CANX: variants seen among roughly 807,000 people sequenced by gnomAD.
The protein encoded by CANX is calnexin.
A neutral mutation model predicts 75.7 loss-of-function variants in CANX; 14 were observed. That is an observed-to-expected ratio of 0.19 (90% confidence interval 0.12 to 0.29). The LOEUF is 0.29. Ranked by LOEUF, CANX falls within the 10% of genes least tolerant of loss-of-function variation. The pLI is 1.00. For missense variants in CANX, 567 were observed against 713.2 expected (o/e 0.79, Z 2.34); for synonymous variants, 227 against 236.9 (o/e 0.96, Z 0.38).
intron 1 of CANX, among the ~76,000 whole-genome samples, chr5:179,687,405 T>A (rs980887837): frequency 5.3e-5 from 8 of 152,172 alleles, no homozygotes; most frequent in African/African-American, 1.9e-4. Flanking sequence ...GCCCGGCCTG[T>A]GCTCTGTGTT....
chr5:179,707,238 A>G, intron 4 of CANX, 48 bp downstream of exon 4: 5 of 1,000,696 alleles, frequency 5.0e-6, no homozygotes, highest in Non-Finnish European at 8.1e-6. Context: ...GAGGTTTGAC[A>G]TGTTGTCTCC....
At chr5:179,703,221 G>A (rs2113114784) in intron 1 of CANX, among the ~76,000 whole-genome samples, 1 of 150,872 alleles carries the variant, frequency 6.6e-6, no homozygotes, top group South Asian at 2.1e-4. Context: ...TGGAGTGGTG[G>A]AGTCTTTTTT....
At chr5:179,691,244 C>T (rs571849964) in intron 1 of CANX, among the ~76,000 whole-genome samples, 1 of 151,910 alleles carries the variant, frequency 6.6e-6, no homozygotes, top group Non-Finnish European at 1.5e-5. Flanking sequence ...AGGCTGGTCT[C>T]GAACTCCTGG....
chr5:179,725,284 G>A (rs1319695552), intron 13 of CANX, among the ~76,000 whole-genome samples: 1 of 151,888 alleles, frequency 6.6e-6, no homozygotes. Flanking sequence ...TCGGTTCACT[G>A]CAGCCTTTGC....
At chr5:179,708,203 A>G in intron 4 of CANX, 36 bp from the exon 5 acceptor site, 3 of 1,597,904 alleles carry the variant, frequency 1.9e-6, no homozygotes, top group Non-Finnish European at 2.6e-6. Flanking sequence ...TCAGAGGTAG[A>G]GTTAAGCAGT....
chr5:179,705,081 G>C (rs1364940567), intron 1 of CANX, among the ~76,000 whole-genome samples: 1 of 152,040 alleles, frequency 6.6e-6, no homozygotes, highest in East Asian at 1.9e-4. Flanking sequence ...CACCTCCTGG[G>C]TTCAAGCAGT....
chr5:179,718,573 G>C (rs942056136), intron 8 of CANX, among the ~76,000 whole-genome samples: 2 of 151,242 alleles, frequency 1.3e-5, no homozygotes, highest in Non-Finnish European at 2.9e-5. Flanking sequence ...TTGTCGCCCA[G>C]GCTGGAGTGT....
At chr5:179,701,566 TC>T (rs1335027269) in intron 1 of CANX, among the ~76,000 whole-genome samples, 1 of 151,004 alleles carries the variant, frequency 6.6e-6, no homozygotes, top group African/African-American at 2.4e-5. Flanking sequence ...TGAGACTCCA[TC>T]TCAGGAAAAA....
chr5:179,705,074 C>T (rs1777038052), intron 1 of CANX, among the ~76,000 whole-genome samples: 1 of 152,076 alleles, frequency 6.6e-6, no homozygotes, highest in Admixed American at 6.6e-5. Flanking sequence ...CAACCTCCAC[C>T]TCCTGGGTTC....
intron 8 of CANX, 46 bp downstream of exon 8, chr5:179,716,340 T>C (rs745523001): frequency 4.9e-6 from 7 of 1,422,558 alleles, no homozygotes; most frequent in East Asian, 2.3e-5. Context: ...GCATTTCATA[T>C]ATTCCATGTG....
chr5:179,699,228 G>A (rs887437015), intron 1 of CANX, 126 bp downstream of exon 1: 1 of 514,350 alleles, frequency 1.9e-6, no homozygotes, highest in Non-Finnish European at 2.5e-6. Context: ...TGAGGGCCCA[G>A]GCCCTGGCCG....
intron 7 of CANX, among the ~76,000 whole-genome samples, chr5:179,714,641 C>G (rs992273419): frequency 6.6e-6 from 1 of 152,106 alleles, no homozygotes. Flanking sequence ...CCTCAGCCTC[C>G]CGAGTAGCTG....
Sources: allele counts gnomAD v4.1 joint callset (sites outside exome capture counted in the v4.1 genomes callset), GRCh38; gene constraint gnomAD v4.1.1; transcripts MANE v1.5; gene names NCBI Gene and HGNC (gene_info 2026-07-23, HGNC 2026-07-21).